The following TRPM1 variants were observed in gnomAD, a reference collection of about 807,000 sequenced individuals.
The protein encoded by TRPM1 is transient receptor potential cation channel subfamily M member 1.
In TRPM1, 113 loss-of-function variants were observed where a neutral mutation model predicts 149.4. That is an observed-to-expected ratio of 0.76 (90% CI 0.65 to 0.88). TRPM1 has a LOEUF of 0.88. Among genes scored for constraint, TRPM1 ranks in the 40% least tolerant of loss-of-function variants. The pLI is 0.00. For synonymous variants in TRPM1, 741 were observed against 759.5 expected (o/e 0.98, Z 0.40); for missense variants, 1,976 against 2,038.7 (o/e 0.97, Z 0.59).
chr15:31,110,543 T>C (rs2035670184), intron 1 of TRPM1, among the ~76,000 whole-genome samples: 1 of 152,266 alleles, frequency 6.6e-6, no homozygotes, highest in Non-Finnish European at 1.5e-5. Context: ...AGGGTCTTCC[T>C]GGTGAGCCTT....
intron 1 of TRPM1, among the ~76,000 whole-genome samples, chr15:31,136,469 C>T (rs1374240551): frequency 5.3e-5 from 8 of 152,194 alleles, no homozygotes; most frequent in Non-Finnish European, 1.0e-4. Context: ...TGTGGTAAAT[C>T]CAGTTCCCAC....
chr15:31,006,011 A>C (rs2031974918), intron 27 of TRPM1, among the ~76,000 whole-genome samples: 1 of 152,200 alleles, frequency 6.6e-6, no homozygotes, highest in African/African-American at 2.4e-5. Context: ...TAATCAGCAA[A>C]GAAGTTATTT....
chr15:31,029,561 C>T (rs1475488907), intron 23 of TRPM1, among the ~76,000 whole-genome samples, 170 bp from the exon 24 acceptor site: 16 of 152,158 alleles, frequency 1.1e-4, no homozygotes, highest in Non-Finnish European at 1.9e-4. Context: ...TTGATTCACA[C>T]TTAGAAACAG....
chr15:31,035,441 T>C, intron 21 of TRPM1, 105 bp downstream of exon 21: 1 of 1,530,072 alleles, frequency 6.5e-7, no homozygotes, highest in Admixed American at 1.7e-5. Context: ...CCACCACGCC[T>C]GGCCCAACAT....
At chr15:31,148,713 G>A (rs2036254562) in intron 1 of TRPM1, among the ~76,000 whole-genome samples, 1 of 152,160 alleles carries the variant, frequency 6.6e-6, no homozygotes, top group African/African-American at 2.4e-5. Flanking sequence ...GTGCTGTAAG[G>A]GATGCTAGTC....
At chr15:31,041,599 C>T (rs748251770) in intron 17 of TRPM1, among the ~76,000 whole-genome samples, 1 of 152,152 alleles carries the variant, frequency 6.6e-6, no homozygotes, top group Non-Finnish European at 1.5e-5. Flanking sequence ...GGTCACAGTC[C>T]AGGTCACAGT....
Position 31,140,598 on chromosome 15 carries a change from TTCTTCTCTTCCATGTGA to T in TRPM1, c.54+20291_54+20307del, listed in dbSNP as rs553575908. On this transcript the variant is annotated intron_variant, in intron 1 of 26. Coordinates refer to the TRPM1 transcript ENST00000542188. ...CTGGTACCTTCTCCATCCTTCTTGC[TTCTTCTCTTCCATGTGA>T]TCTGCACATACTGGATAACCTTTAC... Among the ~76,000 whole-genome samples, 24 of 152,312 alleles carry T rather than the reference TTCTTCTCTTCCATGTGA, an allele frequency of 1.6e-4. No individual in the cohort carries two copies. The East Asian group carries it at 4.6e-3, about 29-fold the overall frequency.
chr15:31,026,455 G>C (rs758562004), intron 26 of TRPM1, 184 bp from the exon 27 acceptor site: 36 of 751,464 alleles, frequency 4.8e-5, no homozygotes, highest in Middle Eastern at 3.7e-4. Context: ...CCCTCTATCA[G>C]TTGGAGCCAA....
chr15:31,005,548 T>C (rs1213820574), intron 27 of TRPM1, among the ~76,000 whole-genome samples: 3 of 152,150 alleles, frequency 2.0e-5, no homozygotes, highest in Non-Finnish European at 4.4e-5. Context: ...CTCCCTTCAT[T>C]GAAGCTGTGG....
At chr15:31,078,963 ATAAAT>A (rs1041356523) in intron 2 of TRPM1, among the ~76,000 whole-genome samples, 1 of 152,248 alleles carries the variant, frequency 6.6e-6, no homozygotes, top group Non-Finnish European at 1.5e-5. Context: ...GACTGAACAA[ATAAAT>A]TAATACATTG....
intron 1 of TRPM1, among the ~76,000 whole-genome samples, chr15:31,097,920 T>C (rs2035427028): frequency 6.6e-6 from 1 of 152,294 alleles, no homozygotes; most frequent in Admixed American, 6.5e-5. Context: ...TTCAAAGACT[T>C]AGAACAATAA....
chr15:31,090,199 C>G (rs12917436), intron 1 of TRPM1, among the ~76,000 whole-genome samples: 58,944 of 151,938 alleles, frequency 0.39, 12,320 homozygotes, highest in East Asian at 0.82. Flanking sequence ...TAAAAGGAAA[C>G]TTTAGCAACA....
upstream of TRPM1, among the ~76,000 whole-genome samples, chr15:31,102,245 C>G (rs578212173): frequency 1.3e-5 from 2 of 152,358 alleles, no homozygotes; most frequent in Admixed American, 6.5e-5. Flanking sequence ...TGCTCTCCCC[C>G]CTTCACCAGG....
At chr15:31,101,850 A>T (rs920062946), upstream of TRPM1, 11 of 425,596 alleles carry the variant, frequency 2.6e-5, no homozygotes, top group African/African-American at 2.4e-4. Flanking sequence ...CCAGGCCAGA[A>T]AAGGAAGCCA....
intron 1 of TRPM1, among the ~76,000 whole-genome samples, chr15:31,129,760 C>T (rs1286598069): frequency 6.6e-6 from 1 of 152,154 alleles, no homozygotes; most frequent in Non-Finnish European, 1.5e-5. Context: ...ATCTGACACC[C>T]GTGTGTGGTT....
intron 1 of TRPM1, among the ~76,000 whole-genome samples, chr15:31,135,085 T>A (rs891926490): frequency 6.6e-6 from 1 of 152,264 alleles, no homozygotes; most frequent in Non-Finnish European, 1.5e-5. Context: ...CTTTTGTTTG[T>A]TTCTCTTGTT....
intron 27 of TRPM1, among the ~76,000 whole-genome samples, chr15:31,007,358 T>G (rs917694244): frequency 6.6e-6 from 1 of 152,202 alleles, no homozygotes; most frequent in Admixed American, 6.5e-5. Flanking sequence ...ATGTATGTGT[T>G]GGACCCTTCA....
intron 1 of TRPM1, among the ~76,000 whole-genome samples, chr15:31,124,802 CA>C (rs2035926153): frequency 6.6e-6 from 1 of 151,960 alleles, no homozygotes; most frequent in Non-Finnish European, 1.5e-5. Context: ...AGTTGGAGTA[CA>C]GGGGATTTTT....
rs539675110 is a variant in TRPM1 at position 31,049,261 on chromosome 15, C to T, written c.1572+114G>A. On this transcript the variant is annotated intron_variant, in intron 13 of 27. Coordinates refer to ENST00000256552, the MANE Select transcript of TRPM1 (RefSeq NM_001252024.2). ...AGAAGTAGCCGCCTGCCATTAAGTA[C>T]GGACCTCCCAGCTGAAGGAGGTCAG... 8.4e-4 allele frequency: 1,256 copies of T among 1,504,146 alleles called. 3 individuals are homozygous for T. The highest frequency in any genetic ancestry group is 9.6e-4 in the Non-Finnish European group (1,051 of 1,090,818). The allele number at this position is 1,504,146 out of a possible 1,614,324, so 93.2% of individuals were successfully genotyped here.
Sources: gnomAD v4.1 joint callset for allele counts (sites outside exome capture counted in the v4.1 genomes callset) on GRCh38, gnomAD v4.1.1 for gene constraint, MANE v1.5 for transcripts, NCBI Gene and HGNC (gene_info 2026-07-23, HGNC 2026-07-21) for gene names.